RALGPS2: variants seen among roughly 807,000 people sequenced by gnomAD.
The protein encoded by RALGPS2 is ras-specific guanine nucleotide-releasing factor RalGPS2.
In RALGPS2, 43 loss-of-function variants were observed where a neutral mutation model predicts 86.8. That is an observed-to-expected ratio of 0.50 (90% CI 0.39 to 0.64). The LOEUF is 0.64. Ranked by LOEUF, RALGPS2 falls within the 30% of genes least tolerant of loss-of-function variation. RALGPS2 has a pLI of 0.00. For missense variants in RALGPS2, 536 were observed against 694.6 expected, an observed-to-expected ratio of 0.77 and a Z score of 2.57; for synonymous variants, 243 against 231.3, an observed-to-expected ratio of 1.05 and a Z score of -0.46.
intron 1 of RALGPS2, among the ~76,000 whole-genome samples, chr1:178,766,208 C>T (rs1490067588): frequency 6.6e-6 from 1 of 152,108 alleles, no homozygotes; most frequent in Non-Finnish European, 1.5e-5. Context: ...TCCATGAAAT[C>T]TTCACAATTT....
At chr1:178,894,479 C>G (rs1457941260) in intron 16 of RALGPS2, among the ~76,000 whole-genome samples, 1 of 151,930 alleles carries the variant, frequency 6.6e-6, no homozygotes, top group African/African-American at 2.4e-5. Context: ...GTTTTCTTTT[C>G]ACTTAAGGAA....
intron 4 of RALGPS2, among the ~76,000 whole-genome samples, chr1:178,792,606 CT>C (rs1430121637): frequency 6.6e-6 from 1 of 152,188 alleles, no homozygotes; most frequent in Non-Finnish European, 1.5e-5. Flanking sequence ...CTCTCCACCC[CT>C]GGCCTCAGTA....
chr1:178,868,579 C>G (rs540825906), intron 8 of RALGPS2, among the ~76,000 whole-genome samples: 34 of 151,886 alleles, frequency 2.2e-4, no homozygotes, highest in Non-Finnish European at 4.0e-4. Context: ...TATAAAACAG[C>G]TAAAAGCGCA....
At chr1:178,906,647 G>A in intron 18 of RALGPS2, 129 bp from the exon 19 acceptor site, 2 of 649,494 alleles carry the variant, frequency 3.1e-6, no homozygotes, top group Non-Finnish European at 5.3e-6. Context: ...ACAATAAAAT[G>A]GAGGTGTTGA....
At chr1:178,819,937 T>C (rs1429434300) in intron 6 of RALGPS2, among the ~76,000 whole-genome samples, 1 of 152,174 alleles carries the variant, frequency 6.6e-6, no homozygotes, top group East Asian at 1.9e-4. Flanking sequence ...CCATAATATC[T>C]TACCCAAAGC....
chr1:178,854,296 A>C (rs897503958), intron 8 of RALGPS2, among the ~76,000 whole-genome samples: 6 of 152,212 alleles, frequency 3.9e-5, no homozygotes, highest in African/African-American at 1.4e-4. Context: ...CATAATACCC[A>C]AGTTACAGTT....
intron 7 of RALGPS2, among the ~76,000 whole-genome samples, chr1:178,825,181 T>G (rs898539936): frequency 6.6e-6 from 1 of 152,188 alleles, no homozygotes; most frequent in Non-Finnish European, 1.5e-5. Context: ...GTTCAGATAT[T>G]CAGCATAAGC....
At chr1:178,779,487 C>CT (rs1445293388) in intron 2 of RALGPS2, among the ~76,000 whole-genome samples, 1 of 152,168 alleles carries the variant, frequency 6.6e-6, no homozygotes, top group Non-Finnish European at 1.5e-5. Flanking sequence ...TGAAAATAGT[C>CT]TAAGTCTATG....
At chr1:178,893,379 C>G (rs1318498769) in intron 15 of RALGPS2, among the ~76,000 whole-genome samples, 1 of 150,286 alleles carries the variant, frequency 6.7e-6, no homozygotes, top group Admixed American at 6.6e-5. Flanking sequence ...TTGCAGAAAG[C>G]TAGTTTTTAA....
chr1:178,749,564 T>C (rs1651532697), intron 1 of RALGPS2, among the ~76,000 whole-genome samples: 1 of 152,156 alleles, frequency 6.6e-6, no homozygotes, highest in South Asian at 2.1e-4. Context: ...ATGATTTGGA[T>C]TGGTTTGAAA....
chr1:178,856,398 T>TTTTTTTTTTTTTTTTG, intron 8 of RALGPS2, among the ~76,000 whole-genome samples: 1 of 81,646 alleles, frequency 1.2e-5, no homozygotes, highest in Non-Finnish European at 2.2e-5. Context: ...TGGCTAATTT[T>TTTTTTTTTTTTTTTTG]TTTTTTTTTT....
rs1352726393 is a variant in RALGPS2, at chr1:178,918,449, C to G, written c.*2090C>G. The G allele has an allele frequency of 1.3e-5, 2 of 151,808 alleles. No homozygotes were observed. Among genetic ancestry groups the G allele is most frequent in the African/African-American group, 4.8e-5 (2 of 41,304 alleles). The allele number at this position is 151,808 out of a possible 1,614,324, so 9.4% of individuals were successfully genotyped here. On this transcript the variant is annotated 3_prime_UTR_variant, in exon 20 of 20. Coordinates refer to ENST00000367635, the MANE Select transcript of RALGPS2 (RefSeq NM_152663.5). ...CTAACGTAGAAATGTTGTAGGTTAA[C>G]CATATCTGTGGAAATATGCAGTTGG... is the stretch of plus-strand genomic sequence containing the variant.
intron 4 of RALGPS2, among the ~76,000 whole-genome samples, chr1:178,802,759 C>A (rs151126454): frequency 5.3e-5 from 8 of 152,118 alleles, no homozygotes; most frequent in Middle Eastern, 3.2e-3. Flanking sequence ...CATGTAAGGT[C>A]TGTTGGTGTG....
chr1:178,728,530 T>A (rs1292260771), intron 1 of RALGPS2, among the ~76,000 whole-genome samples: 1 of 152,060 alleles, frequency 6.6e-6, no homozygotes, highest in East Asian at 1.9e-4. Context: ...ATTTATTGTG[T>A]AACGACTGTA....
chr1:178,771,683 C>T (rs2102090568), intron 1 of RALGPS2, among the ~76,000 whole-genome samples: 1 of 151,986 alleles, frequency 6.6e-6, no homozygotes, highest in South Asian at 2.1e-4. Flanking sequence ...TACAGGTAAG[C>T]TAAAGTTAGG....
At chr1:178,813,212 C>T (rs570307166) in intron 6 of RALGPS2, among the ~76,000 whole-genome samples, 7 of 152,108 alleles carry the variant, frequency 4.6e-5, no homozygotes, top group East Asian at 1.9e-4. Context: ...GGATTATAGG[C>T]GTGAGCCACT....
intron 4 of RALGPS2, among the ~76,000 whole-genome samples, chr1:178,785,810 T>G (rs1032125806): frequency 2.0e-5 from 3 of 152,070 alleles, no homozygotes; most frequent in Non-Finnish European, 4.4e-5. Flanking sequence ...AGGACTATAC[T>G]TGACATCTGA....
intron 2 of RALGPS2, among the ~76,000 whole-genome samples, 163 bp downstream of exon 2, chr1:178,776,984 G>A (rs555297993): frequency 1.3e-5 from 2 of 151,296 alleles, no homozygotes; most frequent in East Asian, 3.9e-4. Flanking sequence ...AAGTTTTAGG[G>A]TACATGTGCA....
chr1:178,874,696 T>G (rs1298436843), intron 8 of RALGPS2, among the ~76,000 whole-genome samples: 1 of 152,216 alleles, frequency 6.6e-6, no homozygotes. Flanking sequence ...TTGAGGAATC[T>G]TTTAGCTCTC....
Sources: allele counts gnomAD v4.1 joint callset (sites outside exome capture counted in the v4.1 genomes callset), GRCh38; gene constraint gnomAD v4.1.1; transcripts MANE v1.5; gene names NCBI Gene and HGNC (gene_info 2026-07-23, HGNC 2026-07-21).